PRKN: variants seen among roughly 807,000 people sequenced by gnomAD.
The protein encoded by PRKN is E3 ubiquitin-protein ligase parkin.
Under a neutral mutation model 59.5 loss-of-function variants are expected in PRKN, and 56 were observed. The ratio of observed to expected loss-of-function variants is 0.94; its 90% CI spans 0.76 to 1.18. The LOEUF (loss-of-function observed/expected upper bound fraction) is 1.18. PRKN is among the 50% of genes most tolerant of loss of function. The pLI is 0.00. For synonymous variants in PRKN, 250 were observed against 222.1 expected (o/e 1.13, Z -1.12); for missense variants, 657 against 596.4 (o/e 1.10, Z -1.06).
At chr6:161,779,867 T>C (rs1021967256) in intron 7 of PRKN, among the ~76,000 whole-genome samples, 4 of 152,178 alleles carry the variant, frequency 2.6e-5, no homozygotes, top group African/African-American at 9.7e-5. Flanking sequence ...GATGGGTAAT[T>C]GGCTGATTTA....
intron 7 of PRKN, among the ~76,000 whole-genome samples, chr6:161,713,821 T>C (rs1430535717): frequency 6.6e-6 from 1 of 152,184 alleles, no homozygotes; most frequent in Non-Finnish European, 1.5e-5. Flanking sequence ...AGGAGGAACC[T>C]GGCGGGAGGT....
At chr6:162,266,651 T>C (rs1361091471) in intron 2 of PRKN, among the ~76,000 whole-genome samples, 1 of 152,178 alleles carries the variant, frequency 6.6e-6, no homozygotes, top group African/African-American at 2.4e-5. Context: ...ATTTATTAGC[T>C]GTATGAATTT....
rs1267055821 is a variant in PRKN at position 161,499,468 on chromosome 6, A to T, written c.1083+49386T>A. On this transcript the variant is annotated intron_variant, in intron 9 of 11. Transcript: ENST00000366898. The surrounding 1 kb of genome is among the most constrained non-coding windows in gnomAD (Gnocchi z 4.2). ...CTAAGATCAGTGTTTCCCACCCCTC[A>T]TTTCTCTCGTTCATGTCACCTGTTG... Among the ~76,000 whole-genome samples, 2 of 151,884 alleles carry T rather than the reference A, an allele frequency of 1.3e-5. No homozygotes were observed. Among genetic ancestry groups the T allele is most frequent in the Non-Finnish European group, 2.9e-5 (2 of 67,958 alleles).
At chr6:162,202,860 CATA>C (rs763354557) in intron 3 of PRKN, among the ~76,000 whole-genome samples, 30 of 152,110 alleles carry the variant, frequency 2.0e-4, no homozygotes, top group African/African-American at 5.3e-4. Flanking sequence ...CTAAGAAGTG[CATA>C]GAAGAAGAAG....
intron 3 of PRKN, among the ~76,000 whole-genome samples, chr6:162,222,211 G>T (rs1283858260): frequency 6.6e-6 from 1 of 152,098 alleles, no homozygotes; most frequent in Non-Finnish European, 1.5e-5. Flanking sequence ...CTGTAAAAAT[G>T]ATCAGATATC....
rs568153299 is a variant in PRKN, at chr6:161,561,000, C to A, written c.933+8355G>T. ...GGGCGTGTAGCCCTGCAGCTGGACA[C>A]AATGGCACGATGACTTTCTCTTAAA... On this transcript the variant is annotated intron_variant, in intron 8 of 11. Transcript: ENST00000366898. This position sits in a 1 kb window ranked among gnomAD's most constrained non-coding sequence, Gnocchi z 4.9. Among the ~76,000 whole-genome samples, 10 of 152,166 alleles carry A rather than the reference C, an allele frequency of 6.6e-5. No homozygotes were observed. The highest frequency in any genetic ancestry group is 1.3e-4 in the Non-Finnish European group (9 of 68,034).
At chr6:161,742,716 C>T (rs1788240563) in intron 7 of PRKN, among the ~76,000 whole-genome samples, 1 of 152,164 alleles carries the variant, frequency 6.6e-6, no homozygotes, top group Middle Eastern at 3.2e-3. Context: ...TTTTATGGAG[C>T]CTCTCTAATC....
chr6:162,174,480 C>T (rs953975538), intron 4 of PRKN, among the ~76,000 whole-genome samples: 5 of 152,230 alleles, frequency 3.3e-5, no homozygotes, highest in Middle Eastern at 3.4e-3. Context: ...TTTCACTTAA[C>T]CTGCATATTT....
At chr6:161,871,040 G>GA (rs1794320613) in intron 6 of PRKN, among the ~76,000 whole-genome samples, 1 of 151,874 alleles carries the variant, frequency 6.6e-6, no homozygotes, top group Non-Finnish European at 1.5e-5. Flanking sequence ...GGAGAGAGGA[G>GA]GAGGAGGATG....
intron 7 of PRKN, among the ~76,000 whole-genome samples, chr6:161,698,177 T>C (rs1249144099): frequency 6.6e-6 from 1 of 152,124 alleles, no homozygotes. Flanking sequence ...AAGATCTATA[T>C]ATTTAAAATG....
At chr6:161,981,974 A>G (rs952754663) in intron 5 of PRKN, among the ~76,000 whole-genome samples, 1 of 152,228 alleles carries the variant, frequency 6.6e-6, no homozygotes, top group African/African-American at 2.4e-5. Flanking sequence ...AAACCATGTC[A>G]CAACTTTGCT....
intron 5 of PRKN, among the ~76,000 whole-genome samples, chr6:161,990,860 C>G (rs1463893314): frequency 6.6e-6 from 1 of 152,152 alleles, no homozygotes; most frequent in Non-Finnish European, 1.5e-5. Context: ...GAAAACTTCT[C>G]AAGTCTTGCA....
chr6:161,356,922 C>A lies in PRKN; in HGVS notation c.1285+3166G>T, dbSNP rs1784781418. 6.6e-6 allele frequency among the ~76,000 whole-genome samples: 1 copy of A among 151,860 alleles called. No homozygotes were observed. The highest frequency in any genetic ancestry group is 2.1e-4 in the South Asian group (1 of 4,812). ...TAGTATTTAAGGCCACAAGACTGGGCTGTATGTTATGTGTCACAAAGGTGA... is the reference window on the plus strand; with the variant it reads ...TAGTATTTAAGGCCACAAGACTGGGATGTATGTTATGTGTCACAAAGGTGA... On this transcript the variant is annotated intron_variant, in intron 11 of 11. Coordinates refer to ENST00000366898, the MANE Select transcript of PRKN (RefSeq NM_004562.3). This position sits in a 1 kb window ranked among gnomAD's most constrained non-coding sequence, Gnocchi z 7.8.
At chr6:161,598,862 G>A (rs1562550996) in intron 7 of PRKN, among the ~76,000 whole-genome samples, 1 of 152,160 alleles carries the variant, frequency 6.6e-6, no homozygotes, top group Non-Finnish European at 1.5e-5. Flanking sequence ...TTAACCCTAA[G>A]TACCAATGAA....
chr6:162,151,086 G>A lies in PRKN; in HGVS notation c.534+50045C>T, dbSNP rs368708504. ...TCCTAAATTAAGAAGAGAAAAAAGG[G>A]AAGAAAATCAGAGGCCGTCCACAAT... On this transcript the variant is annotated intron_variant, in intron 4 of 11. Coordinates refer to ENST00000366898, the MANE Select transcript of PRKN (RefSeq NM_004562.3). Among the ~76,000 whole-genome samples the A allele has an allele frequency of 1.9e-4, 29 of 152,300 alleles. 1 individual carries two copies. The highest frequency in any genetic ancestry group is 7.0e-4 in the African/African-American group (29 of 41,572).
intron 1 of PRKN, among the ~76,000 whole-genome samples, chr6:162,682,248 G>T (rs1779798344): frequency 6.6e-6 from 1 of 151,740 alleles, no homozygotes; most frequent in Admixed American, 6.6e-5. Flanking sequence ...AAGAAGATAT[G>T]GTATTATTAT....
At chr6:162,443,035 T>C (rs1334691915) in intron 2 of PRKN, among the ~76,000 whole-genome samples, 1 of 152,198 alleles carries the variant, frequency 6.6e-6, no homozygotes, top group African/African-American at 2.4e-5. Context: ...TTGCTGCTCC[T>C]GTAGTCAGTA....
chr6:161,650,443 C>A (rs1390899022), intron 7 of PRKN, among the ~76,000 whole-genome samples: 1 of 152,120 alleles, frequency 6.6e-6, no homozygotes, highest in Non-Finnish European at 1.5e-5. Context: ...TACTCCCCAG[C>A]ACTACAACGA....
At chr6:162,009,110 G>A (rs1024445657) in intron 5 of PRKN, among the ~76,000 whole-genome samples, 11 of 151,718 alleles carry the variant, frequency 7.3e-5, no homozygotes, top group Admixed American at 5.2e-4. Flanking sequence ...AAAATTAGCC[G>A]GGTGTGGTGG....
Sources: gnomAD v4.1 joint callset for allele counts (sites outside exome capture counted in the v4.1 genomes callset) on GRCh38, gnomAD v4.1.1 for gene constraint, Gnocchi (gnomAD v3.1) non-coding constraint, MANE v1.5 for transcripts, NCBI Gene and HGNC (gene_info 2026-07-23, HGNC 2026-07-21) for gene names.